The following PRSS23 variants were observed in gnomAD, a reference collection of about 807,000 sequenced individuals.
PRSS23 encodes the protein protease, serine 23.
A neutral mutation model predicts 34.7 loss-of-function variants in PRSS23; 25 were observed. The ratio of observed to expected loss-of-function variants is 0.72; its 90% CI spans 0.53 to 1.01. PRSS23 has a LOEUF of 1.01. Ranked by LOEUF, PRSS23 falls within the 50% of genes least tolerant of loss-of-function variation. The pLI, the probability that PRSS23 is intolerant of heterozygous loss-of-function variation, is 0.00. For synonymous variants in PRSS23, 176 were observed against 186.6 expected (o/e 0.94, Z 0.46); for missense variants, 445 against 475.6 (o/e 0.94, Z 0.60).
At chr11:86,883,122 G>C (rs560513468) in intron 2 of PRSS23, among the ~76,000 whole-genome samples, 2 of 152,136 alleles carry the variant, frequency 1.3e-5, no homozygotes, top group Non-Finnish European at 2.9e-5. Flanking sequence ...CAGATGCAGA[G>C]TTTGCAAAAA....
At chr11:86,818,258 T>A (rs1948227544) in intron 1 of PRSS23, among the ~76,000 whole-genome samples, 1 of 152,244 alleles carries the variant, frequency 6.6e-6, no homozygotes, top group Non-Finnish European at 1.5e-5. Context: ...CATTTATACA[T>A]GCTAACCAAA....
rs144401802 is a variant in PRSS23 at position 86,889,641 on chromosome 11, C to G, written c.207-61575C>G. Among the ~76,000 whole-genome samples the G allele has an allele frequency of 7.2e-4, 110 of 152,338 alleles. No individual in the cohort carries two copies. In the Middle Eastern group the frequency reaches 0.014, roughly 19 times the overall value. ...CTCCTAAAGGCCACACCTCTTGATA[C>G]TGTTGCATTGTGGATTATGGTTCAA... On this transcript the variant is annotated intron_variant, in intron 2 of 2. Coordinates refer to the PRSS23 transcript ENST00000533902.
At chr11:86,852,298 A>G (rs1948536199) in intron 2 of PRSS23, among the ~76,000 whole-genome samples, 1 of 152,196 alleles carries the variant, frequency 6.6e-6, no homozygotes, top group African/African-American at 2.4e-5. Context: ...GCACAGACTG[A>G]GTATTTACTA....
chr11:86,803,433 T>C (rs1437084089), intron 1 of PRSS23, among the ~76,000 whole-genome samples: 1 of 152,250 alleles, frequency 6.6e-6, no homozygotes, highest in Non-Finnish European at 1.5e-5. Context: ...TAAACAGGTA[T>C]AGCACAGGCT....
chr11:86,884,430 G>C (rs534334118), intron 2 of PRSS23, among the ~76,000 whole-genome samples: 1 of 152,230 alleles, frequency 6.6e-6, no homozygotes, highest in Admixed American at 6.5e-5. Flanking sequence ...CTCCCAAGTA[G>C]CTGGGATTAC....
intron 2 of PRSS23, among the ~76,000 whole-genome samples, chr11:86,884,887 C>T (rs1248797816): frequency 6.6e-6 from 1 of 152,204 alleles, no homozygotes; most frequent in Non-Finnish European, 1.5e-5. Context: ...CTAAAATTGA[C>T]ATCTTTCATG....
At chr11:86,848,604 T>G (rs1948505623) in intron 2 of PRSS23, among the ~76,000 whole-genome samples, 1 of 152,076 alleles carries the variant, frequency 6.6e-6, no homozygotes. Flanking sequence ...CCCCCGTAAC[T>G]CCGGATTCCC....
At chr11:86,876,591 A>G (rs1246095096) in intron 2 of PRSS23, among the ~76,000 whole-genome samples, 1 of 152,206 alleles carries the variant, frequency 6.6e-6, no homozygotes, top group Non-Finnish European at 1.5e-5. Flanking sequence ...GACATCACCT[A>G]GGAGCTGGTT....
At chr11:86,878,587 T>A (rs1422788831) in intron 2 of PRSS23, among the ~76,000 whole-genome samples, 1 of 152,018 alleles carries the variant, frequency 6.6e-6, no homozygotes, top group Non-Finnish European at 1.5e-5. Flanking sequence ...CAGGCTGGAG[T>A]GCAGTGGCGT....
intron 2 of PRSS23, among the ~76,000 whole-genome samples, chr11:86,831,365 T>C (rs913146968): frequency 2.0e-4 from 31 of 152,004 alleles, no homozygotes; most frequent in African/African-American, 3.1e-4. Context: ...ACTCCTCATG[T>C]CACAGGGTGT....
chr11:86,918,735 C>T (rs559775439), intron 2 of PRSS23, among the ~76,000 whole-genome samples: 3 of 152,344 alleles, frequency 2.0e-5, no homozygotes, highest in Middle Eastern at 6.8e-3. Context: ...TGAATGTATA[C>T]AGCATTATGC....
chr11:86,860,466 T>C (rs1371162304), intron 2 of PRSS23, among the ~76,000 whole-genome samples: 12 of 150,628 alleles, frequency 8.0e-5, no homozygotes, highest in Non-Finnish European at 1.8e-4. Context: ...TTGTTCCTAA[T>C]ATCAAGGGGG....
At chr11:86,849,353 G>T (rs1948512491) in intron 2 of PRSS23, among the ~76,000 whole-genome samples, 1 of 152,182 alleles carries the variant, frequency 6.6e-6, no homozygotes, top group African/African-American at 2.4e-5. Context: ...ATTAAGGAGA[G>T]ACATATTAGA....
rs1308674500 is a variant in PRSS23 at position 86,809,735 on chromosome 11, A to G, written c.*940A>G. On this transcript the variant is annotated 3_prime_UTR_variant, in exon 2 of 2. Coordinates refer to ENST00000280258, the MANE Select transcript of PRSS23 (RefSeq NM_007173.6). Reference sequence around the variant, plus strand: ...GCACATCTCATGTTTTATCATTTGGATGGAGTAATTTAAAATGAATTAAAT... The same window carrying G: ...GCACATCTCATGTTTTATCATTTGGGTGGAGTAATTTAAAATGAATTAAAT... The G allele has an allele frequency of 6.0e-6, 1 of 167,028 alleles. No homozygotes were observed. The highest frequency in any genetic ancestry group is 1.5e-5 in the Non-Finnish European group (1 of 68,118). 10.3% of individuals were successfully genotyped at this position (167,028 alleles called of 1,614,324 possible). A position where few individuals can be genotyped will look rare whatever the true frequency, so the allele number is the denominator to read the frequency against.
intron 2 of PRSS23, among the ~76,000 whole-genome samples, chr11:86,862,034 C>A (rs1948619350): frequency 6.6e-6 from 1 of 151,698 alleles, no homozygotes; most frequent in African/African-American, 2.4e-5. Context: ...GGTGTACACC[C>A]CCTTGTGGTA....
chr11:86,921,446 A>G (rs1354377093), intron 2 of PRSS23: 1 of 152,216 alleles, frequency 6.6e-6, no homozygotes, highest in Non-Finnish European at 1.5e-5. Flanking sequence ...TAAATCTGTG[A>G]TTTTGATTGT....
At chr11:86,937,918 A>C (rs1949175813) in intron 2 of PRSS23, 1 of 152,192 alleles carries the variant, frequency 6.6e-6, no homozygotes, top group African/African-American at 2.4e-5. Context: ...CCAGTGTTAG[A>C]ACTAGACACA....
chr11:86,883,875 A>G (rs1173863564), intron 2 of PRSS23, among the ~76,000 whole-genome samples: 2 of 152,098 alleles, frequency 1.3e-5, no homozygotes, highest in Admixed American at 6.5e-5. Context: ...CTACATATTT[A>G]TGAATTGTAA....
chr11:86,869,186 AG>A (rs1412006625), intron 2 of PRSS23, among the ~76,000 whole-genome samples: 1 of 152,228 alleles, frequency 6.6e-6, no homozygotes, highest in Non-Finnish European at 1.5e-5. Context: ...TGAGAAGAAA[AG>A]TAGGTAGACA....
Sources: gnomAD v4.1 joint callset for allele counts (sites outside exome capture counted in the v4.1 genomes callset) on GRCh38, gnomAD v4.1.1 for gene constraint, MANE v1.5 for transcripts, NCBI Gene and HGNC (gene_info 2026-07-23, HGNC 2026-07-21) for gene names.